Variants in MRPL48 observed in about 807,000 individuals in gnomAD.
MRPL48 encodes the protein mitochondrial ribosomal protein L48.
MRPL48 carries 16 observed loss-of-function variants against 32.9 expected under a neutral mutation model. The ratio of observed to expected loss-of-function variants is 0.49; its 90% CI spans 0.33 to 0.74. The LOEUF is 0.74. Among genes scored for constraint, MRPL48 ranks in the 30% least tolerant of loss-of-function variants. The pLI is 0.02. For synonymous variants in MRPL48, 94 were observed against 89.2 expected, an observed-to-expected ratio of 1.05 and a Z score of -0.31; for missense variants, 206 against 245.3, an observed-to-expected ratio of 0.84 and a Z score of 1.07.
chr11:73,821,937 T>G (rs1947792558), intron 3 of MRPL48, among the ~76,000 whole-genome samples: 2 of 152,158 alleles, frequency 1.3e-5, no homozygotes, highest in African/African-American at 4.8e-5. Context: ...TTTGGAGAGT[T>G]CAGTGCTTTT....
At chr11:73,840,405 G>A (rs554054450) in intron 4 of MRPL48, among the ~76,000 whole-genome samples, 2 of 152,244 alleles carry the variant, frequency 1.3e-5, no homozygotes, top group African/African-American at 4.8e-5. Context: ...GAGGTGTGAC[G>A]ATCACTTGAG....
At chr11:73,825,618 C>A in intron 3 of MRPL48, 90 bp from the exon 4 acceptor site, 1 of 1,153,274 alleles carries the variant, frequency 8.7e-7, no homozygotes, top group Non-Finnish European at 1.2e-6. Flanking sequence ...TACATCCCAG[C>A]TTGGGTGACA....
intron 4 of MRPL48, among the ~76,000 whole-genome samples, chr11:73,835,160 T>G (rs796537390): frequency 0.053 from 7,834 of 147,430 alleles, 229 homozygotes; most frequent in Middle Eastern, 0.11. Context: ...TTTTTTTTTT[T>G]GAGACGAAGT....
At chr11:73,801,089 G>A (rs1428340356) in intron 1 of MRPL48, among the ~76,000 whole-genome samples, 2 of 152,154 alleles carry the variant, frequency 1.3e-5, no homozygotes, top group African/African-American at 4.8e-5. Context: ...GGGATTACAG[G>A]CGTGAGCCAC....
At chr11:73,808,638 G>A (rs1433697115) in intron 3 of MRPL48, among the ~76,000 whole-genome samples, 2 of 152,146 alleles carry the variant, frequency 1.3e-5, no homozygotes, top group African/African-American at 2.4e-5. Context: ...AGCAGGCTGT[G>A]AGGCCGGGTG....
At chr11:73,794,566 A>T (rs1235659056) in intron 1 of MRPL48, among the ~76,000 whole-genome samples, 1 of 151,832 alleles carries the variant, frequency 6.6e-6, no homozygotes, top group Non-Finnish European at 1.5e-5. Context: ...TGGAAAAAAA[A>T]AAAAAATTTA....
At position 73,795,989 on chromosome 11, in the gene MRPL48, A is replaced by G. The variant is rs530668241; in HGVS notation, c.21+7997A>G. On this transcript the variant is annotated intron_variant, in intron 1 of 7. Transcript: ENST00000310614. ...CACCCACTAATCATCTTTCCGTCCTATGATTTGTCTATTCTAGTCATTTCA... is the reference window on the plus strand; with the variant it reads ...CACCCACTAATCATCTTTCCGTCCTGTGATTTGTCTATTCTAGTCATTTCA... Among the ~76,000 whole-genome samples the G allele has an allele frequency of 8.5e-5, 13 of 152,216 alleles. No homozygotes were observed. The East Asian group carries it at 1.4e-3, about 16-fold the overall frequency.
chr11:73,821,158 A>AT lies in MRPL48; in HGVS notation c.113-4540dup, dbSNP rs1224944220. 1.0e-4 allele frequency among the ~76,000 whole-genome samples: 15 copies of AT among 150,054 alleles called. No homozygotes were observed. In the East Asian group the frequency reaches 2.5e-3, roughly 25 times the overall value. Reference sequence around the variant, plus strand: ...AGGCACATGCCACCATGCCCAGCTAATTTTTTTTTTCCTTTTTATAGAGAC... The same window carrying AT: ...AGGCACATGCCACCATGCCCAGCTAATTTTTTTTTTTCCTTTTTATAGAGAC... On this transcript the variant is annotated intron_variant, in intron 3 of 7. Transcript: ENST00000310614.
chr11:73,805,655 CTT>C (rs147763203), intron 2 of MRPL48, among the ~76,000 whole-genome samples: 48 of 132,210 alleles, frequency 3.6e-4, no homozygotes, highest in African/African-American at 4.0e-4. Context: ...TAAACAGAAC[CTT>C]TTTTTTTTTT....
At chr11:73,793,843 G>A (rs956275045) in intron 1 of MRPL48, among the ~76,000 whole-genome samples, 14 of 150,472 alleles carry the variant, frequency 9.3e-5, no homozygotes, top group Admixed American at 6.6e-5. Context: ...GCAACATGGC[G>A]AAACCTTGTT....
intron 4 of MRPL48, among the ~76,000 whole-genome samples, chr11:73,835,882 A>G (rs1343960011): frequency 6.6e-6 from 1 of 152,184 alleles, no homozygotes; most frequent in African/African-American, 2.4e-5. Context: ...TGAGTGACAG[A>G]GTGAGACTCT....
At chr11:73,822,119 T>G (rs143150172) in intron 3 of MRPL48, among the ~76,000 whole-genome samples, 34 of 152,226 alleles carry the variant, frequency 2.2e-4, no homozygotes, top group African/African-American at 8.2e-4. Context: ...AGGTCTTAGA[T>G]TCAGAGAGAT....
intron 4 of MRPL48, among the ~76,000 whole-genome samples, chr11:73,837,448 T>C (rs1948123928): frequency 6.6e-6 from 1 of 152,234 alleles, no homozygotes; most frequent in African/African-American, 2.4e-5. Context: ...TGTAACAGGC[T>C]ATGATTCTAA....
chr11:73,834,836 G>GTT lies in MRPL48; in HGVS notation c.201+9052_201+9053dup, dbSNP rs71065042. ...AGGTGTGAGCCACCATGTCTGGCCT[G>GTT]TTTTTTTTTTTTTGAGACAGGATCT... On this transcript the variant is annotated intron_variant, in intron 4 of 7. Coordinates refer to ENST00000310614, the MANE Select transcript of MRPL48 (RefSeq NM_016055.6). 5.7e-4 allele frequency among the ~76,000 whole-genome samples: 78 copies of GTT among 137,260 alleles called. 1 individual carries two copies. Among genetic ancestry groups the GTT allele is most frequent in the African/African-American group, 1.5e-3 (54 of 37,018 alleles). 90.0% of individuals were successfully genotyped at this position (137,260 alleles called of 152,430 possible). A position where few individuals can be genotyped will look rare whatever the true frequency, so the allele number is the denominator to read the frequency against.
At chr11:73,815,073 T>C (rs1401453088) in intron 3 of MRPL48, among the ~76,000 whole-genome samples, 4 of 152,190 alleles carry the variant, frequency 2.6e-5, no homozygotes, top group Non-Finnish European at 4.4e-5. Context: ...ATATAGTTTC[T>C]GCCTCTTAAT....
chr11:73,864,462 C>A lies in MRPL48; in HGVS notation c.*92C>A. ...GTTAGAGTTCATCAGGAGACCCAAC[C>A]CTTAGATTTCATAAGTACCCATTCC... On this transcript the variant is annotated 3_prime_UTR_variant, in exon 8 of 8. Transcript: ENST00000310614. 2.3e-6 allele frequency: 3 copies of A among 1,278,048 alleles called. No homozygotes were observed. The highest frequency in any genetic ancestry group is 3.3e-6 in the Non-Finnish European group (3 of 896,232). The allele number at this position is 1,278,048 out of a possible 1,614,324, so 79.2% of individuals were successfully genotyped here.
intron 4 of MRPL48, among the ~76,000 whole-genome samples, chr11:73,829,585 G>T (rs1947956998): frequency 6.6e-6 from 1 of 152,120 alleles, no homozygotes; most frequent in Admixed American, 6.5e-5. Flanking sequence ...GCCCATGCTA[G>T]TCTTCCGGTC....
intron 5 of MRPL48, among the ~76,000 whole-genome samples, chr11:73,857,931 T>A (rs772016466): frequency 1.4e-4 from 21 of 152,158 alleles, no homozygotes; most frequent in Non-Finnish European, 2.4e-4. Flanking sequence ...CAGAGCAGGC[T>A]GTTAGTAAAT....
intron 4 of MRPL48, chr11:73,842,836 G>T (rs942258251): frequency 6.6e-6 from 1 of 152,436 alleles, no homozygotes; most frequent in Non-Finnish European, 1.5e-5. Context: ...TTTTGAAACA[G>T]GATCTCACTC....
Sources: allele counts gnomAD v4.1 joint callset (sites outside exome capture counted in the v4.1 genomes callset), GRCh38; gene constraint gnomAD v4.1.1; transcripts MANE v1.5; gene names NCBI Gene and HGNC (gene_info 2026-07-23, HGNC 2026-07-21).